Variants in PLCXD3 observed in about 807,000 individuals in gnomAD.
PLCXD3 encodes PI-PLC X domain-containing protein 3.
In PLCXD3, 19 loss-of-function variants were observed where a neutral mutation model predicts 25.5. That is an observed-to-expected ratio of 0.75 (90% CI 0.52 to 1.09). The LOEUF (loss-of-function observed/expected upper bound fraction) is 1.09. Among genes scored for constraint, PLCXD3 ranks in the 50% least tolerant of loss-of-function variants. The pLI is 0.00. For synonymous variants in PLCXD3, 174 were observed against 137.6 expected (o/e 1.26, Z -1.85); for missense variants, 411 against 388.1 (o/e 1.06, Z -0.50).
At chr5:41,507,909 C>T (rs1323188252) in intron 1 of PLCXD3, among the ~76,000 whole-genome samples, 1 of 152,172 alleles carries the variant, frequency 6.6e-6, no homozygotes, top group Non-Finnish European at 1.5e-5. Flanking sequence ...TTAGTCTTCT[C>T]TGACTATCAA....
intron 2 of PLCXD3, among the ~76,000 whole-genome samples, chr5:41,372,360 A>G (rs1009940510): frequency 7.4e-5 from 11 of 148,908 alleles, no homozygotes; most frequent in African/African-American, 2.8e-4. Flanking sequence ...CAGGCACTGA[A>G]TAGATATCTG....
rs1380590978 is a variant in PLCXD3, at chr5:41,346,342, AT to A, written c.813-32573del. Among the ~76,000 whole-genome samples the A allele has an allele frequency of 5.3e-5, 8 of 152,312 alleles. No homozygotes were observed. The East Asian group carries it at 1.5e-3, about 29-fold the overall frequency. ...GATAAACTAGTTGTAATATAGTATT[AT>A]TAACTGAAGTTTAGAGTTTACATTA... On this transcript the variant is annotated intron_variant, in intron 2 of 2. Coordinates refer to ENST00000377801, the MANE Select transcript of PLCXD3 (RefSeq NM_001005473.3).
At chr5:41,488,647 T>A (rs1310886284) in intron 1 of PLCXD3, among the ~76,000 whole-genome samples, 1 of 146,642 alleles carries the variant, frequency 6.8e-6, no homozygotes, top group Non-Finnish European at 1.5e-5. Flanking sequence ...GGTATCTCAT[T>A]GTGGTTTTGA....
intron 1 of PLCXD3, among the ~76,000 whole-genome samples, chr5:41,446,195 A>G (rs1394282017): frequency 6.7e-6 from 1 of 149,126 alleles, no homozygotes; most frequent in Non-Finnish European, 1.5e-5. Flanking sequence ...AAAAAAAAAA[A>G]AAAAAAGAAC....
intron 1 of PLCXD3, among the ~76,000 whole-genome samples, chr5:41,501,982 C>T (rs1252980080): frequency 6.6e-6 from 1 of 152,038 alleles, no homozygotes; most frequent in African/African-American, 2.4e-5. Flanking sequence ...AAATAGTTTA[C>T]TGATTGAGAG....
chr5:41,489,957 A>G (rs1223714129), intron 1 of PLCXD3, among the ~76,000 whole-genome samples: 1 of 151,942 alleles, frequency 6.6e-6, no homozygotes, highest in Non-Finnish European at 1.5e-5. Context: ...CCTGGCCAGA[A>G]CTTCCAACAC....
chr5:41,336,895 C>A (rs1332136311), intron 2 of PLCXD3, among the ~76,000 whole-genome samples: 2 of 152,010 alleles, frequency 1.3e-5, no homozygotes, highest in Non-Finnish European at 2.9e-5. Flanking sequence ...CGAGAGTAAA[C>A]CTTCTGCACA....
chr5:41,465,353 CTTTTTTTTTTTTTTTTTTTT>C (rs58098437), intron 1 of PLCXD3, among the ~76,000 whole-genome samples: 410 of 13,274 alleles, frequency 0.031, 21 homozygotes, highest in South Asian at 0.045. Flanking sequence ...TAGTTCTTGT[CTTTTTTTTTTTTTTTTTTTT>C]TTTTTTTTTT....
chr5:41,503,729 C>T (rs906962354), intron 1 of PLCXD3, among the ~76,000 whole-genome samples: 1 of 152,096 alleles, frequency 6.6e-6, no homozygotes, highest in Non-Finnish European at 1.5e-5. Context: ...TTGGTCCCCA[C>T]TCTCCTAAGA....
At chr5:41,334,932 A>G (rs1743937381) in intron 2 of PLCXD3, among the ~76,000 whole-genome samples, 1 of 152,166 alleles carries the variant, frequency 6.6e-6, no homozygotes, top group African/African-American at 2.4e-5. Context: ...CTAGTTTTCC[A>G]GGGGAATGAA....
Position 41,313,486 on chromosome 5 carries a change from T to C in PLCXD3, c.*131A>G, listed in dbSNP as rs1743199519. ...TCACTGAAGAAACAGTTTTTCCCCT[T>C]TTCCCACCCACTACCAGCCCTATTC... On this transcript the variant is annotated 3_prime_UTR_variant, in exon 3 of 3. Transcript: ENST00000377801. The C allele has an allele frequency of 9.7e-7, 1 of 1,032,798 alleles. No individual in the cohort carries two copies. Among genetic ancestry groups the C allele is most frequent in the African/African-American group, 1.7e-5 (1 of 60,262 alleles). 64.0% of individuals were successfully genotyped at this position (1,032,798 alleles called of 1,614,324 possible).
At chr5:41,485,900 G>A (rs1230770443) in intron 1 of PLCXD3, among the ~76,000 whole-genome samples, 1 of 152,000 alleles carries the variant, frequency 6.6e-6, no homozygotes, top group Non-Finnish European at 1.5e-5. Context: ...ATTTTTTTTA[G>A]TATGAGTCTT....
At chr5:41,501,886 A>G (rs1239986687) in intron 1 of PLCXD3, among the ~76,000 whole-genome samples, 1 of 152,134 alleles carries the variant, frequency 6.6e-6, no homozygotes, top group African/African-American at 2.4e-5. Context: ...TAGGGAAGTG[A>G]TGGGGAAATG....
chr5:41,430,768 CT>C (rs1561271247), intron 1 of PLCXD3, among the ~76,000 whole-genome samples: 1 of 151,848 alleles, frequency 6.6e-6, no homozygotes, highest in Non-Finnish European at 1.5e-5. Flanking sequence ...TATTCGAAAG[CT>C]TTTGGGGGAA....
intron 1 of PLCXD3, among the ~76,000 whole-genome samples, chr5:41,437,933 C>A (rs1308230908): frequency 6.6e-6 from 1 of 152,210 alleles, no homozygotes; most frequent in Non-Finnish European, 1.5e-5. Context: ...AGGTTTCCTT[C>A]TTCCTGGACA....
chr5:41,469,426 A>G (rs967735297), intron 1 of PLCXD3, among the ~76,000 whole-genome samples: 1 of 152,066 alleles, frequency 6.6e-6, no homozygotes, highest in Non-Finnish European at 1.5e-5. Flanking sequence ...GAAGAGCTTC[A>G]AAACATTTAA....
chr5:41,374,831 T>C (rs1203816125), intron 2 of PLCXD3, among the ~76,000 whole-genome samples: 1 of 152,114 alleles, frequency 6.6e-6, no homozygotes, highest in Non-Finnish European at 1.5e-5. Context: ...TCTTGGGACA[T>C]GGCCTAGGGT....
chr5:41,490,467 A>T (rs1748637510), intron 1 of PLCXD3, among the ~76,000 whole-genome samples: 1 of 151,992 alleles, frequency 6.6e-6, no homozygotes, highest in Non-Finnish European at 1.5e-5. Flanking sequence ...GTTAGGGAGG[A>T]TTCCCTCTTT....
At chr5:41,496,308 A>G (rs576502741) in intron 1 of PLCXD3, among the ~76,000 whole-genome samples, 33 of 152,206 alleles carry the variant, frequency 2.2e-4, no homozygotes, top group Non-Finnish European at 4.4e-4. Context: ...TATTTAAAGG[A>G]ATAATGGCCA....
Sources: gnomAD v4.1 joint callset for allele counts (sites outside exome capture counted in the v4.1 genomes callset) on GRCh38, gnomAD v4.1.1 for gene constraint, MANE v1.5 for transcripts, NCBI Gene and HGNC (gene_info 2026-07-23, HGNC 2026-07-21) for gene names.